The following ZNF611 variants were observed in gnomAD, a reference collection of about 807,000 sequenced individuals.
ZNF611 encodes zinc finger protein 611.
Under a neutral mutation model 8.9 loss-of-function variants are expected in ZNF611, and 6 were observed. The ratio of observed to expected loss-of-function variants is 0.68; its 90% CI spans 0.37 to 1.34. The LOEUF (loss-of-function observed/expected upper bound fraction) is 1.34. Ranked by LOEUF, ZNF611 falls within the 40% of genes most tolerant of loss-of-function variation. ZNF611 has a pLI of 0.02. For synonymous variants in ZNF611, 262 were observed against 279.7 expected (o/e 0.94, Z 0.63); for missense variants, 874 against 841.3 (o/e 1.04, Z -0.48).
intron 5 of ZNF611, among the ~76,000 whole-genome samples, chr19:52,710,282 G>A (rs551970759): frequency 6.7e-6 from 1 of 149,972 alleles, no homozygotes; most frequent in East Asian, 2.0e-4. Flanking sequence ...CCGGGATGGA[G>A]TAAGTGGTGC....
At position 52,704,550 on chromosome 19, in the gene ZNF611, A is replaced by G. The variant is rs2062226088; in HGVS notation, c.*387T>C. 1.5e-6 allele frequency: 2 copies of G among 1,366,550 alleles called. No homozygotes were observed. Among genetic ancestry groups the G allele is most frequent in the Non-Finnish European group, 2.1e-6 (2 of 965,434 alleles). 84.7% of individuals were successfully genotyped at this position (1,366,550 alleles called of 1,614,324 possible). A position where few individuals can be genotyped will look rare whatever the true frequency, so the allele number is the denominator to read the frequency against. ...GTTTCTCTCCAGTATGAGTTCACCG[A>G]TGACCTGCAATATGTGAACGATCTC... On this transcript the variant is annotated 3_prime_UTR_variant, in exon 6 of 6. Transcript: ENST00000652185.
At chr19:52,715,781 C>T (rs771435033) in intron 4 of ZNF611, 51 bp downstream of exon 4, 2 of 1,601,656 alleles carry the variant, frequency 1.2e-6, no homozygotes, top group East Asian at 4.5e-5. Flanking sequence ...CAATACCTGG[C>T]ATTTCAGAAA....
intron 5 of ZNF611, among the ~76,000 whole-genome samples, chr19:52,713,475 G>T (rs377190257): frequency 6.6e-6 from 1 of 152,156 alleles, no homozygotes; most frequent in Admixed American, 6.6e-5. Context: ...CTGTGAGCCC[G>T]AATGATGTCC....
At chr19:52,731,524 C>T (rs951644496) in intron 1 of ZNF611, among the ~76,000 whole-genome samples, 2 of 151,902 alleles carry the variant, frequency 1.3e-5, no homozygotes, top group African/African-American at 4.8e-5. Flanking sequence ...CCATCACTAC[C>T]GGCTAATTTT....
At chr19:52,729,507 A>AAAG (rs2062412336) in intron 2 of ZNF611, among the ~76,000 whole-genome samples, 1 of 145,314 alleles carries the variant, frequency 6.9e-6, no homozygotes, top group African/African-American at 2.7e-5. Context: ...AAAAAAAAAA[A>AAAG]AAAAAAAAAA....
At chr19:52,729,003 A>C (rs1304963500) in intron 2 of ZNF611, 172 bp from the exon 3 acceptor site, 1 of 152,532 alleles carries the variant, frequency 6.6e-6, no homozygotes, top group African/African-American at 2.4e-5. Context: ...GGGAGATTAC[A>C]TGTCCTTCAA....
chr19:52,713,768 A>T (rs762534602), intron 5 of ZNF611, among the ~76,000 whole-genome samples: 1 of 151,918 alleles, frequency 6.6e-6, no homozygotes, highest in Non-Finnish European at 1.5e-5. Context: ...TCGCATGCCT[A>T]TAATAACAGC....
Position 52,727,910 on chromosome 19 carries a change from T to TTTG in ZNF611, c.-20+819_-20+820insCAA, listed in dbSNP as rs1418526326. Among the ~76,000 whole-genome samples, 682 of 143,576 alleles carry TTTG rather than the reference T, an allele frequency of 4.8e-3. 7 individuals are homozygous for TTTG. Among genetic ancestry groups the TTTG allele is most frequent in the African/African-American group, 0.018 (652 of 37,070 alleles). The allele number at this position is 143,576 out of a possible 152,430, so 94.2% of individuals were successfully genotyped here. On this transcript the variant is annotated intron_variant, in intron 3 of 5. Transcript: ENST00000652185. ...TACTATCTATCTTGTTGTGTGCCTTTTTTTTTTTTTTTTTTTTGAGACGGA... is the reference window on the plus strand; with the variant it reads ...TACTATCTATCTTGTTGTGTGCCTTTTTGTTTTTTTTTTTTTTTTTGAGACGGA...
In ZNF611 at chr19:52,706,607, T is replaced by C. The variant is rs2062247084; in HGVS notation, c.448A>G (p.Lys150Glu). 1.9e-6 allele frequency: 3 copies of C among 1,614,030 alleles called. No homozygotes were observed. Among genetic ancestry groups the C allele is most frequent in the Admixed American group, 1.7e-5 (1 of 60,004 alleles). Residue 150 changes from lysine (K) to glutamate (E), a missense_variant, in exon 6 of 6, where the codon AAG (lysine) becomes GAG (glutamate). By Grantham distance (56) the Lys-to-Glu change is moderately conservative (BLOSUM62 1). Coordinates refer to ENST00000652185, the MANE Select transcript of ZNF611 (RefSeq NM_001161499.2). ...GATCCAAGCTGATCTTTAATAGGCT[T>C]GTTTCCAGCATGCCTGTGATCATGT... is the stretch of plus-strand genomic sequence containing the variant. The part of the protein sequence containing the change: ...DQHDHRHAGN[K>E]PIKDQLGSSF...
At chr19:52,734,513 G>A (rs2062445017) in intron 1 of ZNF611, among the ~76,000 whole-genome samples, 1 of 128,218 alleles carries the variant, frequency 7.8e-6, no homozygotes, top group Non-Finnish European at 1.6e-5. Flanking sequence ...AGCAGGCCCC[G>A]GCATGAGGAG....
chr19:52,733,485 G>A (rs909108786), intron 1 of ZNF611, among the ~76,000 whole-genome samples: 1 of 151,728 alleles, frequency 6.6e-6, no homozygotes, highest in Non-Finnish European at 1.5e-5. Context: ...CTTTTTTGGC[G>A]GGGGGGAGGT....
At chr19:52,709,079 T>C (rs931265550) in intron 5 of ZNF611, among the ~76,000 whole-genome samples, 2 of 152,030 alleles carry the variant, frequency 1.3e-5, no homozygotes, top group East Asian at 1.9e-4. Context: ...ACAAAAAATA[T>C]GATGTATGTT....
intron 5 of ZNF611, among the ~76,000 whole-genome samples, chr19:52,707,951 A>G (rs1261933273): frequency 2.0e-5 from 3 of 152,164 alleles, no homozygotes; most frequent in African/African-American, 7.2e-5. Context: ...ACATTAACGA[A>G]TAGTGCATGT....
At position 52,732,461 on chromosome 19, in the gene ZNF611, ACAGT is replaced by A. The variant is rs1368666949; in HGVS notation, c.-221-2460_-221-2457del. On this transcript the variant is annotated intron_variant, in intron 1 of 5. Transcript: ENST00000652185. The stretch of plus-strand genomic sequence containing the variant: ...AGTATTGAGTTATTCAGAATAACTC[ACAGT>A]ATTGAGTTATTCAGAATAACTCACA... Among the ~76,000 whole-genome samples, 6 of 79,158 alleles carry A rather than the reference ACAGT, an allele frequency of 7.6e-5. 2 individuals carry two copies. The highest frequency in any genetic ancestry group is 2.9e-4 in the African/African-American group (4 of 13,608). 51.9% of individuals were successfully genotyped at this position (79,158 alleles called of 152,430 possible).
rs139253843 is a variant in ZNF611 at position 52,705,672 on chromosome 19, C to G, written c.1383G>C (p.Lys461Asn). ...EKSYKCKVCD[K>N]AFVWSSQLAK... The stretch of plus-strand genomic sequence containing the variant: ...CCAGTTGTGAACTCCACACAAAAGC[C>G]TTGTCACAAACCTTACATTTGTAAG... The change falls in exon 6 of 6, where the codon AAG (lysine) becomes AAC (asparagine). Residue 461 changes from lysine to asparagine, a missense_variant. Transcript: ENST00000652185. 2.8e-3 allele frequency: 4,442 copies of G among 1,613,824 alleles called. 12 individuals carry two copies. Among genetic ancestry groups the G allele is most frequent in the Non-Finnish European group, 3.6e-3 (4,250 of 1,179,856 alleles).
intron 4 of ZNF611, 105 bp downstream of exon 4, chr19:52,715,727 C>T (rs1203091491): frequency 2.1e-5 from 32 of 1,543,910 alleles, no homozygotes; most frequent in South Asian, 3.5e-5. Flanking sequence ...TGCGAGTGAA[C>T]GTGTCAGACA....
intron 3 of ZNF611, among the ~76,000 whole-genome samples, chr19:52,728,038 C>A (rs1423902012): frequency 6.6e-6 from 1 of 151,636 alleles, no homozygotes; most frequent in African/African-American, 2.4e-5. Context: ...TCCTGAGTAG[C>A]TGGGACTACA....
At position 52,706,867 on chromosome 19, in the gene ZNF611, A is replaced by G; in HGVS notation, c.191-3T>C. Reference sequence around the variant, plus strand: ...CATCATGCATTTGGAAGAGATATCTACAAAATATAAACACCAATACATTTC... The same window carrying G: ...CATCATGCATTTGGAAGAGATATCTGCAAAATATAAACACCAATACATTTC... On this transcript the variant is annotated splice_polypyrimidine_tract_variant and splice_region_variant and intron_variant, in intron 5 of 5. Coordinates refer to ENST00000652185, the MANE Select transcript of ZNF611 (RefSeq NM_001161499.2). The G allele has an allele frequency of 6.2e-7, 1 of 1,607,356 alleles. No homozygotes were observed. The highest frequency in any genetic ancestry group is 8.5e-7 in the Non-Finnish European group (1 of 1,177,534).
Position 52,729,902 on chromosome 19 carries a change from T to C in ZNF611, c.-122+4A>G, listed in dbSNP as rs1265534560. On this transcript the variant is annotated splice_donor_region_variant and intron_variant, in intron 2 of 5. Transcript: ENST00000652185. ...AGCATTATAAGGAATAAGAACTGAC[T>C]AACCATGTCGGAGGGTGCAATTATG... 1 of 152,198 alleles carries C rather than the reference T, an allele frequency of 6.6e-6. No homozygotes were observed. The highest frequency in any genetic ancestry group is 1.5e-5 in the Non-Finnish European group (1 of 68,038). 9.4% of individuals were successfully genotyped at this position (152,198 alleles called of 1,614,324 possible).
Sources: allele counts gnomAD v4.1 joint callset (sites outside exome capture counted in the v4.1 genomes callset), GRCh38; gene constraint gnomAD v4.1.1; transcripts MANE v1.5; gene names NCBI Gene and HGNC (gene_info 2026-07-23, HGNC 2026-07-21).